The following MIPOL1 variants were observed in gnomAD, a reference collection of about 807,000 sequenced individuals.
The protein encoded by MIPOL1 is mirror-image polydactyly gene 1 protein.
In MIPOL1, 57 loss-of-function variants were observed where a neutral mutation model predicts 60.9. The ratio of observed to expected loss-of-function variants is 0.94; its 90% confidence interval spans 0.76 to 1.17. The LOEUF (loss-of-function observed/expected upper bound fraction) is 1.17, where lower values mean the gene tolerates loss of function less well. Ranked by LOEUF, MIPOL1 falls within the 50% of genes most tolerant of loss-of-function variation. The pLI, the probability that MIPOL1 is intolerant of heterozygous loss-of-function variation, is 0.00. For synonymous variants in MIPOL1, 179 were observed against 168.8 expected, an observed-to-expected ratio of 1.06 and a Z score of -0.47; for missense variants, 551 against 511.6, an observed-to-expected ratio of 1.08 and a Z score of -0.74.
At chr14:37,206,932 G>A (rs1336861217) in intron 1 of MIPOL1, among the ~76,000 whole-genome samples, 1 of 152,162 alleles carries the variant, frequency 6.6e-6, no homozygotes, top group Non-Finnish European at 1.5e-5. Context: ...TTTTGATTTT[G>A]CAGGCTCACA....
At position 37,375,593 on chromosome 14, in the gene MIPOL1, G is replaced by T. The variant is rs2092754375; in HGVS notation, c.936+5969G>T. On this transcript the variant is annotated intron_variant, in intron 10 of 12. Transcript: ENST00000684589. Reference sequence around the variant, plus strand: ...TGAATCTTCCTTAGATTATAAAAGAGCTCTGATTGTTAATAAAACTTTGAT... The same window carrying T: ...TGAATCTTCCTTAGATTATAAAAGATCTCTGATTGTTAATAAAACTTTGAT... 1.3e-5 allele frequency among the ~76,000 whole-genome samples: 2 copies of T among 152,058 alleles called. 1 individual carries two copies. Among genetic ancestry groups the T allele is most frequent in the South Asian group, 4.1e-4 (2 of 4,830 alleles).
At chr14:37,404,745 T>C (rs574103088) in intron 10 of MIPOL1, among the ~76,000 whole-genome samples, 19 of 152,316 alleles carry the variant, frequency 1.2e-4, no homozygotes, top group African/African-American at 4.6e-4. Context: ...TTATCACCTG[T>C]ATTAATAATT....
chr14:37,214,829 G>T (rs937188488), intron 1 of MIPOL1, among the ~76,000 whole-genome samples: 1 of 152,124 alleles, frequency 6.6e-6, no homozygotes, highest in Admixed American at 6.5e-5. Context: ...TCTAGCGGTA[G>T]CATCAGTGCC....
chr14:37,350,741 G>A (rs530874444), intron 9 of MIPOL1, among the ~76,000 whole-genome samples: 3 of 151,846 alleles, frequency 2.0e-5, no homozygotes, highest in East Asian at 3.9e-4. Context: ...TACCCTTCCC[G>A]GCTTCTGGTA....
At chr14:37,426,570 CATATATATATATAT>C (rs68123796) in intron 11 of MIPOL1, among the ~76,000 whole-genome samples, 13 of 85,540 alleles carry the variant, frequency 1.5e-4, no homozygotes, top group East Asian at 3.6e-4. Flanking sequence ...TCAAAATATA[CATATATATATATAT>C]ATATATATAT....
intron 1 of MIPOL1, among the ~76,000 whole-genome samples, chr14:37,199,281 T>A (rs1964840273): frequency 6.6e-6 from 1 of 152,176 alleles, no homozygotes; most frequent in South Asian, 2.1e-4. Context: ...AGGTAATCAT[T>A]ATCTGGACTT....
chr14:37,465,868 A>G lies in MIPOL1; in HGVS notation c.1032-34040A>G, dbSNP rs1253517600. 8.5e-5 allele frequency among the ~76,000 whole-genome samples: 13 copies of G among 152,162 alleles called. No individual in the cohort carries two copies. In the South Asian group the frequency reaches 2.3e-3, roughly 27 times the overall value. ...ATTAGTGTAAATTTAAAGAAATTAGACTCATTTCTAGACAGGACCTAAGCA... is the reference window on the plus strand; with the variant it reads ...ATTAGTGTAAATTTAAAGAAATTAGGCTCATTTCTAGACAGGACCTAAGCA... On this transcript the variant is annotated intron_variant, in intron 11 of 12. Transcript: ENST00000684589.
At chr14:37,335,763 G>T (rs1233914458) in intron 9 of MIPOL1, among the ~76,000 whole-genome samples, 2 of 151,908 alleles carry the variant, frequency 1.3e-5, no homozygotes, top group African/African-American at 4.8e-5. Context: ...TTTTTGCCCA[G>T]TTTTAAGCTG....
chr14:37,285,547 T>C (rs2084484961), intron 7 of MIPOL1, 100 bp downstream of exon 7: 1 of 1,195,984 alleles, frequency 8.4e-7, no homozygotes, highest in Non-Finnish European at 1.2e-6. Flanking sequence ...TATGCTTATG[T>C]GTTACACTAG....
chr14:37,324,184 A>G (rs1356287405), intron 9 of MIPOL1, among the ~76,000 whole-genome samples: 2 of 151,984 alleles, frequency 1.3e-5, no homozygotes, highest in East Asian at 3.9e-4. Flanking sequence ...CTCAGCAGCA[A>G]TTTACTGAAG....
At chr14:37,270,550 T>A in intron 6 of MIPOL1, 25 bp downstream of exon 6, 2 of 1,279,296 alleles carry the variant, frequency 1.6e-6, no homozygotes, top group South Asian at 2.8e-5. Flanking sequence ...TATTAACACA[T>A]GGCTTGAAGA....
At chr14:37,213,417 A>G (rs181980658) in intron 1 of MIPOL1, among the ~76,000 whole-genome samples, 39 of 152,370 alleles carry the variant, frequency 2.6e-4, no homozygotes, top group African/African-American at 7.2e-4. Context: ...TGAAAATGCA[A>G]TTGACATACT....
intron 10 of MIPOL1, among the ~76,000 whole-genome samples, chr14:37,419,281 C>A (rs369925835): frequency 3.9e-5 from 6 of 152,320 alleles, no homozygotes; most frequent in Admixed American, 2.6e-4. Flanking sequence ...ATTTATATGA[C>A]ATTCTTAAAA....
intron 12 of MIPOL1, among the ~76,000 whole-genome samples, chr14:37,538,713 T>C (rs1041598791): frequency 2.0e-5 from 3 of 152,152 alleles, no homozygotes; most frequent in Non-Finnish European, 4.4e-5. Context: ...CTGAACAAGG[T>C]CTCAGGAGGC....
At chr14:37,445,562 G>GA (rs1566617829) in intron 11 of MIPOL1, among the ~76,000 whole-genome samples, 1 of 151,092 alleles carries the variant, frequency 6.6e-6, no homozygotes, top group African/African-American at 2.4e-5. Context: ...CACAGAATTG[G>GA]AAAAAACTAC....
At chr14:37,469,211 G>A (rs1032993208) in intron 11 of MIPOL1, among the ~76,000 whole-genome samples, 6 of 152,184 alleles carry the variant, frequency 3.9e-5, no homozygotes, top group African/African-American at 9.7e-5. Flanking sequence ...TGCAGGCTGT[G>A]TAGGAAGCAT....
At chr14:37,486,065 T>C (rs141628979) in intron 11 of MIPOL1, among the ~76,000 whole-genome samples, 3,210 of 152,240 alleles carry the variant, frequency 0.021, 101 homozygotes, top group African/African-American at 0.072. Flanking sequence ...GCCAGTTTTC[T>C]TAAAACCATT....
At chr14:37,316,980 C>A (rs192099542) in intron 9 of MIPOL1, among the ~76,000 whole-genome samples, 3 of 151,430 alleles carry the variant, frequency 2.0e-5, no homozygotes, top group African/African-American at 7.3e-5. Context: ...TCCATCTAAA[C>A]AAACAAACAA....
chr14:37,273,432 T>C lies in MIPOL1; in HGVS notation c.493+2907T>C, dbSNP rs140453441. Among the ~76,000 whole-genome samples the C allele has an allele frequency of 6.2e-3, 940 of 151,414 alleles. 9 individuals carry two copies. Among genetic ancestry groups the C allele is most frequent in the Middle Eastern group, 0.038 (11 of 290 alleles). ...CTTAAAATTTGAGACATAAAGACTC[T>C]ATGGTTTTATGAAAACCATATGATG... On this transcript the variant is annotated intron_variant, in intron 6 of 12. Coordinates refer to ENST00000684589, the MANE Select transcript of MIPOL1 (RefSeq NM_001388067.1).
Sources: gnomAD v4.1 joint callset for allele counts (sites outside exome capture counted in the v4.1 genomes callset) on GRCh38, gnomAD v4.1.1 for gene constraint, MANE v1.5 for transcripts, NCBI Gene and HGNC (gene_info 2026-07-23, HGNC 2026-07-21) for gene names.